Variants in HERC4 observed in about 807,000 individuals in gnomAD.
The protein encoded by HERC4 is probable E3 ubiquitin-protein ligase HERC4.
Under a neutral mutation model 124.3 loss-of-function variants are expected in HERC4, and 28 were observed. That is an observed-to-expected ratio of 0.23 (90% confidence interval 0.17 to 0.31). The LOEUF is 0.31. HERC4 is among the 10% of genes least tolerant of loss of function. The probability of loss-of-function intolerance (pLI) is 1.00; values close to 1 mark genes in which losing one functional copy is unlikely to be tolerated. For synonymous variants in HERC4, 407 were observed against 421.5 expected (o/e 0.97, Z 0.42); for missense variants, 713 against 1,229.3 (o/e 0.58, Z 6.28).
Position 67,992,323 on chromosome 10 carries a change from T to C in HERC4, c.1147A>G (p.Asn383Asp). ...QSFSHYSSPQNCGPPDDFRCP... is the reference protein window; with the variant it reads ...QSFSHYSSPQDCGPPDDFRCP... ...CTGAAGTCATCTGGTGGCCCACAGTTCTAAATTTTCAAATAAGATTAGTCA... is the reference window on the plus strand; with the variant it reads ...CTGAAGTCATCTGGTGGCCCACAGTCCTAAATTTTCAAATAAGATTAGTCA... The change falls in exon 11 of 25, where the codon AAC becomes GAC. Residue 383 changes from asparagine (N) to aspartate (D), a missense_variant and splice_region_variant. By Grantham distance (23) the Asn-to-Asp change is conservative. Coordinates refer to ENST00000373700, the MANE Select transcript of HERC4 (RefSeq NM_015601.4). 1 of 1,613,198 alleles carries C rather than the reference T, an allele frequency of 6.2e-7. No individual in the cohort carries two copies. Among genetic ancestry groups the C allele is most frequent in the East Asian group, 2.2e-5 (1 of 44,854 alleles).
chr10:67,991,068 ATTT>A, intron 12 of HERC4, 53 bp from the exon 13 acceptor site: 2 of 1,363,434 alleles, frequency 1.5e-6, no homozygotes, highest in Non-Finnish European at 2.0e-6. Flanking sequence ...AAATTATTTC[ATTT>A]TTTAATTTGA....
At chr10:67,965,846 T>TA (rs1336237856) in intron 16 of HERC4, 6 of 152,220 alleles carry the variant, frequency 3.9e-5, no homozygotes, top group Non-Finnish European at 2.9e-5. Context: ...GGCTAGCAAA[T>TA]AAGAGTAGTA....
chr10:68,052,714 C>A (rs1333776205), intron 3 of HERC4, among the ~76,000 whole-genome samples: 1 of 152,162 alleles, frequency 6.6e-6, no homozygotes, highest in Non-Finnish European at 1.5e-5. Context: ...GTATCATCAA[C>A]TCCAATTCAT....
chr10:67,929,819 AT>A (rs561065364), intron 23 of HERC4, among the ~76,000 whole-genome samples: 5 of 143,244 alleles, frequency 3.5e-5, no homozygotes, highest in African/African-American at 2.7e-5. Flanking sequence ...CCAGCTGTGC[AT>A]TTTTTTTTTG....
chr10:68,023,788 T>G (rs1296491057), intron 8 of HERC4, among the ~76,000 whole-genome samples: 2 of 152,134 alleles, frequency 1.3e-5, no homozygotes, highest in Non-Finnish European at 2.9e-5. Flanking sequence ...ATTCCTTACT[T>G]GAACATTATA....
chr10:68,029,427 C>T (rs1227972300), intron 7 of HERC4, among the ~76,000 whole-genome samples: 1 of 151,350 alleles, frequency 6.6e-6, no homozygotes, highest in Non-Finnish European at 1.5e-5. Flanking sequence ...AAGAGGTGGA[C>T]GTTACAGTGG....
intron 19 of HERC4, 100 bp from the exon 20 acceptor site, chr10:67,941,205 A>C: frequency 1.3e-6 from 1 of 793,094 alleles, no homozygotes; most frequent in Non-Finnish European, 1.9e-6. Context: ...GAAGATAGAG[A>C]AAAAAGTAAT....
rs1198855830 is a variant in HERC4, at chr10:67,992,696, G to A, written c.1070-14C>T. Reference sequence around the variant, plus strand: ...ATTCTTCAGAATCTGTAATAAAAATGTAAAAAATTAAAAGCCAAGATTTAC... The same window carrying A: ...ATTCTTCAGAATCTGTAATAAAAATATAAAAAATTAAAAGCCAAGATTTAC... On this transcript the variant is annotated splice_polypyrimidine_tract_variant and intron_variant, in intron 9 of 24. Coordinates refer to ENST00000373700, the MANE Select transcript of HERC4 (RefSeq NM_015601.4). 1 of 1,360,058 alleles carries A rather than the reference G, an allele frequency of 7.4e-7. No homozygotes were observed. The highest frequency in any genetic ancestry group is 2.3e-5 in the East Asian group (1 of 42,996). The allele number at this position is 1,360,058 out of a possible 1,614,324, so 84.2% of individuals were successfully genotyped here.
intron 14 of HERC4, 87 bp from the exon 15 acceptor site, chr10:67,988,922 A>G (rs954806126): frequency 1.9e-6 from 2 of 1,042,360 alleles, no homozygotes; most frequent in Non-Finnish European, 2.9e-6. Flanking sequence ...TTTCTGAAAC[A>G]GTAGTTGTTA....
At chr10:68,054,415 G>A (rs1018467081) in intron 3 of HERC4, among the ~76,000 whole-genome samples, 2 of 148,254 alleles carry the variant, frequency 1.3e-5, no homozygotes, top group Non-Finnish European at 3.0e-5. Context: ...GTGCAGTGGT[G>A]CAATCTCAGC....
At chr10:67,946,231 G>A (rs1281838087) in intron 19 of HERC4, among the ~76,000 whole-genome samples, 1 of 150,598 alleles carries the variant, frequency 6.6e-6, no homozygotes, top group African/African-American at 2.4e-5. Flanking sequence ...CTGGGTGACA[G>A]AGCAAGACCC....
At chr10:67,947,156 G>A (rs1436094621) in intron 19 of HERC4, among the ~76,000 whole-genome samples, 3 of 152,180 alleles carry the variant, frequency 2.0e-5, no homozygotes, top group African/African-American at 7.2e-5. Flanking sequence ...ATTTCATCCA[G>A]CAGCTGAAGA....
At chr10:68,064,800 G>T (rs1263044771) in intron 3 of HERC4, among the ~76,000 whole-genome samples, 1 of 151,524 alleles carries the variant, frequency 6.6e-6, no homozygotes, top group Non-Finnish European at 1.5e-5. Context: ...GTGAAACCTT[G>T]TTTCTACTAA....
intron 4 of HERC4, chr10:68,039,409 C>A: frequency 1.3e-6 from 2 of 1,550,120 alleles, no homozygotes; most frequent in Non-Finnish European, 1.7e-6. Flanking sequence ...CTGATACTGT[C>A]ACCTGACCTG....
chr10:68,006,380 T>G (rs1401293650), intron 9 of HERC4, among the ~76,000 whole-genome samples: 2 of 150,208 alleles, frequency 1.3e-5, no homozygotes, highest in East Asian at 2.1e-4. Context: ...TTTTTGTTTT[T>G]TTTTTTTTTT....
Position 67,937,194 on chromosome 10 carries a change from C to A in HERC4, c.2572-959G>T, listed in dbSNP as rs942260842. ...ATACCAAGTTTCTGAAAATGTATGG[C>A]AAGTGGCTCTGAAAAAGAGGAAGGT... On this transcript the variant is annotated intron_variant, in intron 21 of 24. Transcript: ENST00000373700. Among the ~76,000 whole-genome samples the A allele has an allele frequency of 2.0e-5, 3 of 151,840 alleles. No individual in the cohort carries two copies. In the East Asian group the frequency reaches 5.8e-4, roughly 29 times the overall value.
chr10:68,064,946 G>C (rs1317777025), intron 3 of HERC4, among the ~76,000 whole-genome samples: 2 of 151,160 alleles, frequency 1.3e-5, no homozygotes, highest in Non-Finnish European at 2.9e-5. Context: ...ACTCCAGCTT[G>C]GGTGACAGAG....
Position 67,923,036 on chromosome 10 carries a change from A to G in HERC4, c.3045T>C (p.His1015=). 2.5e-6 allele frequency: 4 copies of G among 1,613,692 alleles called. No homozygotes were observed. Among genetic ancestry groups the G allele is most frequent in the Non-Finnish European group, 3.4e-6 (4 of 1,179,596 alleles). The change falls in exon 25 of 25, where the codon CAT becomes CAC. Residue 1015 remains histidine (H), a synonymous_variant. Transcript: ENST00000373700. ...GAAGATCCAGAAGATTAAAACAAGT[A>G]TGGGAAACTGGGAGATACTCCTCAC... ...GGGEEYLPVS[H]TCFNLLDLPK...
At chr10:67,933,417 C>T (rs1486911690) in intron 22 of HERC4, among the ~76,000 whole-genome samples, 1 of 152,124 alleles carries the variant, frequency 6.6e-6, no homozygotes, top group Non-Finnish European at 1.5e-5. Context: ...AAAGAAGCCC[C>T]TTTAACCCCT....
Sources: allele counts gnomAD v4.1 joint callset (sites outside exome capture counted in the v4.1 genomes callset), GRCh38; gene constraint gnomAD v4.1.1; transcripts MANE v1.5; gene names NCBI Gene and HGNC (gene_info 2026-07-23, HGNC 2026-07-21).